The following UXS1 variants were observed in gnomAD, a reference collection of about 807,000 sequenced individuals.
UXS1 encodes UDP-glucuronic acid decarboxylase 1.
A neutral mutation model predicts 62.6 loss-of-function variants in UXS1; 33 were observed. The ratio of observed to expected loss-of-function variants is 0.53; its 90% CI spans 0.40 to 0.70. The LOEUF (loss-of-function observed/expected upper bound fraction) is 0.70, where lower values mean the gene tolerates loss of function less well. Ranked by LOEUF, UXS1 falls within the 30% of genes least tolerant of loss-of-function variation. UXS1 has a pLI of 0.00. For synonymous variants in UXS1, 213 were observed against 206.8 expected (o/e 1.03, Z -0.26); for missense variants, 434 against 556.3 (o/e 0.78, Z 2.21).
At chr2:106,113,346 C>G (rs1678778653) in intron 9 of UXS1, among the ~76,000 whole-genome samples, 1 of 152,162 alleles carries the variant, frequency 6.6e-6, no homozygotes, top group African/African-American at 2.4e-5. Flanking sequence ...CAACTTAGTG[C>G]CCAGTATAGG....
At chr2:106,165,919 G>T in intron 2 of UXS1, 137 bp downstream of exon 2, 1 of 728,844 alleles carries the variant, frequency 1.4e-6, no homozygotes, top group Non-Finnish European at 2.1e-6. Flanking sequence ...AAACAGCTCA[G>T]ATATGTGAAT....
In UXS1 at chr2:106,164,732, T is replaced by C. The variant is rs755032572; in HGVS notation, c.186+4A>G. On this transcript the variant is annotated splice_donor_region_variant and intron_variant, in intron 3 of 14. Transcript: ENST00000283148. ...ATAGATACAAAAATAGAAAAAAGAC[T>C]AACCTCTTCAATCTTGCTTTCAATT... 1.9e-6 allele frequency: 3 copies of C among 1,567,344 alleles called. No individual in the cohort carries two copies. The highest frequency in any genetic ancestry group is 2.6e-6 in the Non-Finnish European group (3 of 1,153,086).
chr2:106,109,304 C>T (rs147541848), intron 10 of UXS1, among the ~76,000 whole-genome samples: 46 of 152,224 alleles, frequency 3.0e-4, no homozygotes, highest in African/African-American at 8.4e-4. Flanking sequence ...CCGCCACAAA[C>T]GAAGGCCCAA....
intron 4 of UXS1, among the ~76,000 whole-genome samples, chr2:106,158,987 TCA>T (rs959230393): frequency 6.6e-6 from 1 of 152,110 alleles, no homozygotes; most frequent in Non-Finnish European, 1.5e-5. Flanking sequence ...CCCCATGATT[TCA>T]CACCCAGCCA....
chr2:106,122,955 AC>A lies in UXS1; in HGVS notation c.759+14del, dbSNP rs566608518. On this transcript the variant is annotated intron_variant, in intron 9 of 14. Coordinates refer to ENST00000283148, the MANE Select transcript of UXS1 (RefSeq NM_001253875.2). ...CAGCACGCCTAAACCGCAAGCCTAGACCCTGGTGAAATACCTGCTTCATGTA... is the reference window on the plus strand; with the variant it reads ...CAGCACGCCTAAACCGCAAGCCTAGACCTGGTGAAATACCTGCTTCATGTA... 5.0e-6 allele frequency: 8 copies of A among 1,613,276 alleles called. No homozygotes were observed. The highest frequency in any genetic ancestry group is 6.8e-6 in the Non-Finnish European group (8 of 1,179,572).
chr2:106,152,281 A>G (rs1488489574), intron 5 of UXS1, among the ~76,000 whole-genome samples: 1 of 151,878 alleles, frequency 6.6e-6, no homozygotes, highest in Non-Finnish European at 1.5e-5. Context: ...GTGAAACCCC[A>G]CCTCTACTAA....
At chr2:106,109,125 T>G (rs1397223741) in intron 10 of UXS1, among the ~76,000 whole-genome samples, 1 of 152,010 alleles carries the variant, frequency 6.6e-6, no homozygotes, top group African/African-American at 2.4e-5. Flanking sequence ...CCCTGCTCCT[T>G]GGCTGTAAAT....
chr2:106,122,822 A>G, intron 9 of UXS1, 148 bp downstream of exon 9: 1 of 1,020,880 alleles, frequency 9.8e-7, no homozygotes, highest in South Asian at 1.9e-5. Flanking sequence ...TGATAATACC[A>G]TTAATTTATA....
At chr2:106,097,283 T>C (rs969917628) in intron 13 of UXS1, 5 of 445,002 alleles carry the variant, frequency 1.1e-5, no homozygotes, top group African/African-American at 4.0e-5. Flanking sequence ...AGACCCAAGA[T>C]GTGCAGCCAC....
intron 8 of UXS1, among the ~76,000 whole-genome samples, chr2:106,124,014 C>T (rs1235472208): frequency 1.3e-5 from 2 of 152,200 alleles, no homozygotes; most frequent in Non-Finnish European, 2.9e-5. Flanking sequence ...TCTGGGTCAG[C>T]ACAGCCTCCG....
chr2:106,119,279 T>C (rs1214718831), intron 9 of UXS1, among the ~76,000 whole-genome samples: 1 of 152,130 alleles, frequency 6.6e-6, no homozygotes, highest in Non-Finnish European at 1.5e-5. Context: ...TCACGCTTCT[T>C]TACCTGCTTC....
intron 5 of UXS1, among the ~76,000 whole-genome samples, chr2:106,151,513 C>T (rs749237475): frequency 6.6e-6 from 1 of 152,094 alleles, no homozygotes; most frequent in Non-Finnish European, 1.5e-5. Context: ...CCTTCTGCCA[C>T]GGGATGACGC....
At chr2:106,115,877 C>T (rs756653672) in intron 9 of UXS1, among the ~76,000 whole-genome samples, 3 of 152,212 alleles carry the variant, frequency 2.0e-5, no homozygotes, top group Non-Finnish European at 4.4e-5. Context: ...TCTGATGACA[C>T]TAATTTACTT....
At chr2:106,173,347 G>A (rs1315141365) in intron 1 of UXS1, among the ~76,000 whole-genome samples, 1 of 152,186 alleles carries the variant, frequency 6.6e-6, no homozygotes, top group Non-Finnish European at 1.5e-5. Flanking sequence ...TAGCCCAGGA[G>A]TTTGAGACCA....
intron 10 of UXS1, among the ~76,000 whole-genome samples, chr2:106,111,415 A>C (rs1678597678): frequency 6.6e-6 from 1 of 152,228 alleles, no homozygotes; most frequent in Non-Finnish European, 1.5e-5. Flanking sequence ...GCACTCAGCG[A>C]AACTCAGCTA....
chr2:106,102,444 T>C (rs1387547072), intron 11 of UXS1: 1 of 152,212 alleles, frequency 6.6e-6, no homozygotes, highest in South Asian at 2.1e-4. Context: ...ATGGGCCTTT[T>C]ACATGACAAA....
At chr2:106,100,884 T>A in intron 12 of UXS1, 174 bp downstream of exon 12, 2 of 794,576 alleles carry the variant, frequency 2.5e-6, no homozygotes, top group Non-Finnish European at 4.0e-6. Context: ...TTTTACTTCT[T>A]TGTATACTCT....
At chr2:106,142,855 A>G (rs1166860178) in intron 6 of UXS1, among the ~76,000 whole-genome samples, 1 of 152,174 alleles carries the variant, frequency 6.6e-6, no homozygotes, top group Non-Finnish European at 1.5e-5. Flanking sequence ...AGCAAAGGAC[A>G]AAGCACCAGT....
chr2:106,097,100 C>T (rs1462545794), intron 13 of UXS1: 2 of 552,968 alleles, frequency 3.6e-6, no homozygotes, highest in Non-Finnish European at 6.9e-6. Flanking sequence ...GCCTGAGTTA[C>T]CGCCCACTAC....
Sources: allele counts gnomAD v4.1 joint callset (sites outside exome capture counted in the v4.1 genomes callset), GRCh38; gene constraint gnomAD v4.1.1; transcripts MANE v1.5; gene names NCBI Gene and HGNC (gene_info 2026-07-23, HGNC 2026-07-21).